The following ADORA2B variants were observed in gnomAD, a reference collection of about 807,000 sequenced individuals.
The protein encoded by ADORA2B is adenosine A2b receptor.
A neutral mutation model predicts 20.8 loss-of-function variants in ADORA2B; 18 were observed. The ratio of observed to expected loss-of-function variants is 0.87; its 90% confidence interval spans 0.60 to 1.29. The LOEUF (loss-of-function observed/expected upper bound fraction) is 1.29, where lower values mean the gene tolerates loss of function less well. Among genes scored for constraint, ADORA2B ranks in the 50% most tolerant of loss-of-function variants. The pLI is 0.00. For missense variants in ADORA2B, 441 were observed against 422.7 expected (o/e 1.04, Z -0.38); for synonymous variants, 179 against 178.3 (o/e 1.00, Z -0.03).
rs1969842672 is a variant in ADORA2B at position 15,948,398 on chromosome 17, C to CGATGGGGGGGGG, written c.335+2816_335+2817insATGGGGGGGGGG. ...GACAATTCCTGATGTTGGGCCCTGGCGGCGGGGGGCTCCAGTCCCCAGTGG... is the reference window on the plus strand; with the variant it reads ...GACAATTCCTGATGTTGGGCCCTGGCGATGGGGGGGGGGGCGGGGGGCTCCAGTCCCCAGTGG... On this transcript the variant is annotated intron_variant, in intron 1 of 1. Coordinates refer to ENST00000304222, the MANE Select transcript of ADORA2B (RefSeq NM_000676.4). Among the ~76,000 whole-genome samples, 6 of 22,600 alleles carry CGATGGGGGGGGG rather than the reference C, an allele frequency of 2.7e-4. 1 individual carries two copies. Among genetic ancestry groups the CGATGGGGGGGGG allele is most frequent in the Non-Finnish European group, 2.0e-3 (6 of 2,964 alleles). 14.8% of individuals were successfully genotyped at this position (22,600 alleles called of 152,430 possible).
chr17:15,936,956 T>TA, the ADORA2B span, among the ~76,000 whole-genome samples: 275 of 152,236 alleles, frequency 1.8e-3, 2 homozygotes, highest in African/African-American at 6.3e-3. Flanking sequence ...ACTCTATCTC[T>TA]AAAAAAATTA....
chr17:15,923,891 T>G, the ADORA2B span, among the ~76,000 whole-genome samples: 1 of 152,134 alleles, frequency 6.6e-6, no homozygotes, highest in African/African-American at 2.4e-5. Flanking sequence ...CTTTTGCAGC[T>G]TTGTTTTTTT....
At chr17:15,857,063 T>G in the ADORA2B span, among the ~76,000 whole-genome samples, 1 of 152,224 alleles carries the variant, frequency 6.6e-6, no homozygotes, top group Non-Finnish European at 1.5e-5. Context: ...AGGGCCGCCC[T>G]GCTCTGTGCA....
the ADORA2B span, among the ~76,000 whole-genome samples, chr17:15,907,580 G>A: frequency 3.9e-5 from 6 of 152,066 alleles, no homozygotes; most frequent in African/African-American, 9.7e-5. Flanking sequence ...GACCTTATGC[G>A]TGCTCAATAC....
the ADORA2B span, among the ~76,000 whole-genome samples, chr17:15,882,442 A>G: frequency 6.6e-6 from 1 of 152,206 alleles, no homozygotes; most frequent in Non-Finnish European, 1.5e-5. Context: ...GGCCGGGCAC[A>G]GTGGCTCATG....
chr17:15,862,856 G>A, the ADORA2B span, among the ~76,000 whole-genome samples: 1 of 150,962 alleles, frequency 6.6e-6, no homozygotes. Context: ...CTCTGCCTCG[G>A]GTTCAAGCAG....
At chr17:15,857,934 G>T in the ADORA2B span, among the ~76,000 whole-genome samples, 1 of 139,030 alleles carries the variant, frequency 7.2e-6, no homozygotes, top group Non-Finnish European at 1.6e-5. Flanking sequence ...CTTTTTATGG[G>T]TGAATATCTC....
chr17:15,915,646 C>G, the ADORA2B span, among the ~76,000 whole-genome samples: 2 of 152,220 alleles, frequency 1.3e-5, no homozygotes, highest in Non-Finnish European at 2.9e-5. Flanking sequence ...TTATACAGAA[C>G]TGCCCCATGT....
At chr17:15,880,126 C>G in the ADORA2B span, among the ~76,000 whole-genome samples, 46 of 143,366 alleles carry the variant, frequency 3.2e-4, no homozygotes, top group African/African-American at 1.2e-3. Flanking sequence ...CGCCATCGAC[C>G]CCGGTGCCTC....
chr17:15,944,996 T>C (rs1017603700), upstream of ADORA2B: 5 of 280,732 alleles, frequency 1.8e-5, no homozygotes, highest in East Asian at 3.2e-4. This position sits in a 1 kb window ranked among gnomAD's most constrained non-coding sequence, Gnocchi z 4.8. Context: ...GGCGCGAACT[T>C]TGGGCTCGGG....
chr17:15,896,220 T>C, the ADORA2B span, among the ~76,000 whole-genome samples: 1 of 152,266 alleles, frequency 6.6e-6, no homozygotes, highest in East Asian at 1.9e-4. Context: ...TGAGAAATTA[T>C]CTACTCGAGC....
At chr17:15,927,550 G>GGCAGGAGAATCGCTTGAAC in the ADORA2B span, among the ~76,000 whole-genome samples, 1 of 152,188 alleles carries the variant, frequency 6.6e-6, no homozygotes, top group Non-Finnish European at 1.5e-5. Flanking sequence ...GCAAGGCTGA[G>GGCAGGAGAATCGCTTGAAC]GCAGGAGAAT....
the ADORA2B span, among the ~76,000 whole-genome samples, chr17:15,865,786 T>A: frequency 1.3e-5 from 2 of 152,158 alleles, no homozygotes; most frequent in South Asian, 2.1e-4. Flanking sequence ...CATTTGAATT[T>A]TATTATAAAT....
chr17:15,975,599 A>C lies in ADORA2B; in HGVS notation c.*257A>C. On this transcript the variant is annotated 3_prime_UTR_variant, in exon 2 of 2. Coordinates refer to ENST00000304222, the MANE Select transcript of ADORA2B (RefSeq NM_000676.4). Reference sequence around the variant, plus strand: ...GCCAACAGCTTGAATGGATTCTAACAGACTCTTTTGTTTTTAAAAGTCTGC... The same window carrying C: ...GCCAACAGCTTGAATGGATTCTAACCGACTCTTTTGTTTTTAAAAGTCTGC... 2.1e-6 allele frequency: 1 copy of C among 469,376 alleles called. No individual in the cohort carries two copies. The highest frequency in any genetic ancestry group is 2.0e-5 in the African/African-American group (1 of 51,038). 29.1% of individuals were successfully genotyped at this position (469,376 alleles called of 1,614,324 possible). A position where few individuals can be genotyped will look rare whatever the true frequency, so the allele number is the denominator to read the frequency against.
intron 1 of ADORA2B, among the ~76,000 whole-genome samples, chr17:15,954,728 C>T (rs1320955305): frequency 1.3e-5 from 2 of 152,202 alleles, no homozygotes. Context: ...ATTCACACCA[C>T]TGCACTCCAT....
chr17:15,922,994 A>C, the ADORA2B span, among the ~76,000 whole-genome samples: 3 of 151,938 alleles, frequency 2.0e-5, no homozygotes, highest in East Asian at 5.8e-4. Context: ...TTTCATATTC[A>C]TTGCCCATAT....
At chr17:15,948,407 G>GGGGGGGGGGGGGGGCC (rs56222691) in intron 1 of ADORA2B, among the ~76,000 whole-genome samples, 1 of 33,770 alleles carries the variant, frequency 3.0e-5, no homozygotes, top group African/African-American at 5.3e-5. Context: ...GCGGCGGGGG[G>GGGGGGGGGGGGGGGCC]CTCCAGTCCC....
At chr17:15,910,357 G>T in the ADORA2B span, among the ~76,000 whole-genome samples, 75 of 152,106 alleles carry the variant, frequency 4.9e-4, no homozygotes, top group Non-Finnish European at 7.2e-4. Context: ...GAGTGCAGTG[G>T]CGTGATCTCA....
At chr17:15,972,872 C>A (rs1042407628) in intron 1 of ADORA2B, among the ~76,000 whole-genome samples, 1 of 152,172 alleles carries the variant, frequency 6.6e-6, no homozygotes, top group Non-Finnish European at 1.5e-5. Flanking sequence ...GACTCTCCCA[C>A]TTCATTCTCC....
Sources: allele counts gnomAD v4.1 joint callset (sites outside exome capture counted in the v4.1 genomes callset), GRCh38; gene constraint gnomAD v4.1.1; non-coding constraint Gnocchi (gnomAD v3.1); transcripts MANE v1.5; gene names NCBI Gene and HGNC (gene_info 2026-07-23, HGNC 2026-07-21).